The following PUF60 variants were observed in gnomAD, a reference collection of about 807,000 sequenced individuals.
The protein encoded by PUF60 is poly(U) binding splicing factor 60, also known as poly(U)-binding-splicing factor PUF60.
Under a neutral mutation model 61.8 loss-of-function variants are expected in PUF60, and 10 were observed. The ratio of observed to expected loss-of-function variants is 0.16; its 90% CI spans 0.10 to 0.27. The LOEUF (loss-of-function observed/expected upper bound fraction) is 0.27, where lower values mean the gene tolerates loss of function less well. Among genes scored for constraint, PUF60 ranks in the 10% least tolerant of loss-of-function variants. The pLI, the probability that PUF60 is intolerant of heterozygous loss-of-function variation, is 1.00. For missense variants in PUF60, 371 were observed against 754.0 expected (o/e 0.49, Z 5.95); for synonymous variants, 353 against 300.9 (o/e 1.17, Z -1.79).
At chr8:143,824,158 C>T (rs1017667009) in intron 2 of PUF60, among the ~76,000 whole-genome samples, 155 bp downstream of exon 2, 2 of 152,318 alleles carry the variant, frequency 1.3e-5, no homozygotes, top group African/African-American at 4.8e-5. Flanking sequence ...CGTGGTCCTG[C>T]GGGCAGTTGT....
Position 143,818,317 on chromosome 8 carries a change from C to A in PUF60, c.511-32G>T, listed in dbSNP as rs774295918. 6.2e-7 allele frequency: 1 copy of A among 1,606,938 alleles called. No individual in the cohort carries two copies. The highest frequency in any genetic ancestry group is 8.5e-7 in the Non-Finnish European group (1 of 1,175,820). Reference sequence around the variant, plus strand: ...ACAGGGACACACCTGTCAGGCTGCGCGAGCCCAGGGGTGGGGGCGAGCCCG... The same window carrying A: ...ACAGGGACACACCTGTCAGGCTGCGAGAGCCCAGGGGTGGGGGCGAGCCCG... On this transcript the variant is annotated intron_variant, in intron 6 of 11. Transcript: ENST00000526683. The surrounding 1 kb of genome is among the most constrained non-coding windows in gnomAD (Gnocchi z 7.9).
chr8:143,820,911 G>A (rs1453122639), intron 4 of PUF60, among the ~76,000 whole-genome samples, 195 bp from the exon 5 acceptor site: 1 of 152,142 alleles, frequency 6.6e-6, no homozygotes, highest in African/African-American at 2.4e-5. Context: ...CTGCAGCCTT[G>A]CAGCTGGGCC....
intron 4 of PUF60, among the ~76,000 whole-genome samples, chr8:143,821,094 G>GT (rs1324147302): frequency 6.6e-6 from 1 of 152,248 alleles, no homozygotes; most frequent in Non-Finnish European, 1.5e-5. Flanking sequence ...TCCCACGAAG[G>GT]TATCGCAGCC....
Position 143,829,271 on chromosome 8 carries a change from C to G in PUF60, c.24+9G>C, listed in dbSNP as rs1339174396. The stretch of plus-strand genomic sequence containing the variant: ...AGGGCCGCCCGCGCTCATGGGGGGG[C>G]TCACTTACGAGAGCTATGGTCGCCG... On this transcript the variant is annotated intron_variant, in intron 1 of 11. Transcript: ENST00000526683. 12 of 1,258,288 alleles carry G rather than the reference C, an allele frequency of 9.5e-6. No individual in the cohort carries two copies. Among genetic ancestry groups the G allele is most frequent in the Admixed American group, 3.9e-5 (1 of 25,326 alleles). The allele number at this position is 1,258,288 out of a possible 1,614,324, so 77.9% of individuals were successfully genotyped here. A position where few individuals can be genotyped will look rare whatever the true frequency, so the allele number is the denominator to read the frequency against.
intron 5 of PUF60, among the ~76,000 whole-genome samples, chr8:143,819,613 G>A (rs1223785945): frequency 6.6e-6 from 1 of 152,194 alleles, no homozygotes; most frequent in African/African-American, 2.4e-5. Context: ...ACTTCCCAAG[G>A]TGAGATATCT....
At position 143,817,290 on chromosome 8, in the gene PUF60, A is replaced by G. The variant is rs749706132; in HGVS notation, c.1144+41T>C. 6.4e-7 allele frequency: 1 copy of G among 1,564,906 alleles called. No homozygotes were observed. The highest frequency in any genetic ancestry group is 8.6e-7 in the Non-Finnish European group (1 of 1,158,796). On this transcript the variant is annotated intron_variant, in intron 10 of 11. Coordinates refer to ENST00000526683, the MANE Select transcript of PUF60 (RefSeq NM_078480.3). This position sits in a 1 kb window ranked among gnomAD's most constrained non-coding sequence, Gnocchi z 7.4. ...TGAGGGCAGCGAGCCGAGAGATGCCAGGACAGGAGAGGAGAGGATCTGGTA... is the reference window on the plus strand; with the variant it reads ...TGAGGGCAGCGAGCCGAGAGATGCCGGGACAGGAGAGGAGAGGATCTGGTA...
Position 143,817,175 on chromosome 8 carries a change from C to A in PUF60, c.1145-30G>T, listed in dbSNP as rs542150934. 4.5e-6 allele frequency: 7 copies of A among 1,549,080 alleles called. No individual in the cohort carries two copies. In the African/African-American group the frequency reaches 9.5e-5, roughly 21 times the overall value. On this transcript the variant is annotated intron_variant, in intron 10 of 11. Coordinates refer to ENST00000526683, the MANE Select transcript of PUF60 (RefSeq NM_078480.3). This position sits in a 1 kb window ranked among gnomAD's most constrained non-coding sequence, Gnocchi z 7.4. ...AGGAAAACCAACCAGGTCCATCAGT[C>A]ACTCCCTACCACCCCCCTTCCCAGA...
chr8:143,822,613 C>T (rs1207795146), intron 2 of PUF60: 2 of 456,144 alleles, frequency 4.4e-6, no homozygotes, highest in East Asian at 7.0e-5. Context: ...CCCACTGGCA[C>T]CCTAGCCAGG....
In PUF60 at chr8:143,817,848, C is replaced by A. The variant is rs1373135624; in HGVS notation, c.817+14G>T. The A allele has an allele frequency of 1.2e-6, 2 of 1,610,116 alleles. No individual in the cohort carries two copies. Among genetic ancestry groups the A allele is most frequent in the Admixed American group, 3.3e-5 (2 of 59,834 alleles). On this transcript the variant is annotated intron_variant, in intron 8 of 11. Coordinates refer to ENST00000526683, the MANE Select transcript of PUF60 (RefSeq NM_078480.3). The surrounding 1 kb of genome is among the most constrained non-coding windows in gnomAD (Gnocchi z 7.4). ...TCAGGTGGCCCCCATCCCGCCTCAG[C>A]CACCCCAGCTCACCAATGAAGCCGT...
chr8:143,820,950 A>G (rs553499163), intron 4 of PUF60, among the ~76,000 whole-genome samples: 2 of 152,006 alleles, frequency 1.3e-5, no homozygotes, highest in African/African-American at 2.4e-5. Context: ...GGGAGGGAGG[A>G]AGGGAGGGAG....
intron 2 of PUF60, 98 bp from the exon 3 acceptor site, chr8:143,822,011 G>T: frequency 1.1e-6 from 1 of 895,518 alleles, no homozygotes; most frequent in Non-Finnish European, 1.7e-6. Context: ...CCCCTGCCTG[G>T]CCTGTACTCA....
At chr8:143,820,531 G>A (rs1479562236) in intron 5 of PUF60, 135 bp downstream of exon 5, 12 of 1,031,406 alleles carry the variant, frequency 1.2e-5, no homozygotes, top group South Asian at 8.3e-5. Context: ...CACGCCTGGC[G>A]CTCTGCTGCG....
At chr8:143,819,493 G>T (rs1035064082) in intron 5 of PUF60, among the ~76,000 whole-genome samples, 2 of 152,170 alleles carry the variant, frequency 1.3e-5, no homozygotes, top group Non-Finnish European at 2.9e-5. Context: ...TCCACAAAAG[G>T]CCTTGTGGCC....
At chr8:143,822,112 C>T (rs1370798793) in intron 2 of PUF60, among the ~76,000 whole-genome samples, 199 bp from the exon 3 acceptor site, 1 of 152,078 alleles carries the variant, frequency 6.6e-6, no homozygotes, top group Non-Finnish European at 1.5e-5. Context: ...CAGGCAGGTG[C>T]CCTGGAGGCC....
chr8:143,820,365 G>A, intron 5 of PUF60: 4 of 492,018 alleles, frequency 8.1e-6, no homozygotes, highest in South Asian at 4.5e-5. Context: ...GCGTGCAGGT[G>A]GCGTGGGCGC....
chr8:143,819,442 G>A lies in PUF60; in HGVS notation c.349-908C>T, dbSNP rs866007057. Among the ~76,000 whole-genome samples, 12 of 152,152 alleles carry A rather than the reference G, an allele frequency of 7.9e-5. 1 individual carries two copies. Among genetic ancestry groups the A allele is most frequent in the South Asian group, 6.2e-4 (3 of 4,832 alleles). ...TGGGCCACAGGGAGCCTGTGGGCCA[G>A]GGCAGGCAAAGCAGACAGCTGGAGC... On this transcript the variant is annotated intron_variant, in intron 5 of 11. Coordinates refer to ENST00000526683, the MANE Select transcript of PUF60 (RefSeq NM_078480.3).
intron 1 of PUF60, among the ~76,000 whole-genome samples, chr8:143,826,351 C>T (rs891738766): frequency 6.6e-6 from 1 of 152,052 alleles, no homozygotes; most frequent in African/African-American, 2.4e-5. Context: ...TTTGGGAGAC[C>T]GATGTAGCAC....
Position 143,816,737 on chromosome 8 carries a change from C to T in PUF60, c.1463G>A (p.Gly488Asp). The T allele has an allele frequency of 6.2e-7, 1 of 1,613,814 alleles. No homozygotes were observed. The highest frequency in any genetic ancestry group is 8.5e-7 in the Non-Finnish European group (1 of 1,179,886). The change falls in exon 12 of 12, where the codon GGC becomes GAC. Residue 488 changes from glycine (G) to aspartate (D), a missense_variant. Around this residue, in one of 13 missense-constraint regions of PUF60, gnomAD observed 38 missense variants for 112.9 expected, o/e 0.34. Transcript: ENST00000526683. ...DLEGEVTEEC[G>D]KFGAVNRVII... is the part of the protein sequence containing the mutation. ...GACGCGGTTCACGGCCCCGAACTTG[C>T]CACACTCCTCTGTCACCTCCCCTTC...
intron 5 of PUF60, among the ~76,000 whole-genome samples, chr8:143,820,068 C>T (rs1231306318): frequency 6.6e-6 from 1 of 152,224 alleles, no homozygotes; most frequent in Non-Finnish European, 1.5e-5. Context: ...AGGGACACCT[C>T]CTTCCCACAC....
Sources: allele counts gnomAD v4.1 joint callset (sites outside exome capture counted in the v4.1 genomes callset), GRCh38; gene constraint gnomAD v4.1.1; regional missense constraint gnomAD v4.1.1; non-coding constraint Gnocchi (gnomAD v3.1); transcripts MANE v1.5; gene names NCBI Gene and HGNC (gene_info 2026-07-23, HGNC 2026-07-21).